BRCA2: variants seen among roughly 807,000 people sequenced by gnomAD.
The protein encoded by BRCA2 is BRCA2 DNA repair associated.
A neutral mutation model predicts 276.7 loss-of-function variants in BRCA2; 203 were observed. That is an observed-to-expected ratio of 0.73 (90% CI 0.65 to 0.82). The LOEUF (loss-of-function observed/expected upper bound fraction) is 0.82, where lower values mean the gene tolerates loss of function less well. Among genes scored for constraint, BRCA2 ranks in the 40% least tolerant of loss-of-function variants. The pLI, the probability that BRCA2 is intolerant of heterozygous loss-of-function variation, is 0.00. For missense variants in BRCA2, 3,920 were observed against 3,915.0 expected (o/e 1.00, Z -0.03); for synonymous variants, 1,289 against 1,338.4 (o/e 0.96, Z 0.81).
At chr13:32,395,948 TTTTC>T (rs772025726) in intron 25 of BRCA2, 27 of 233,246 alleles carry the variant, frequency 1.2e-4, no homozygotes, top group Middle Eastern at 4.0e-3. Context: ...CATTTTCTTT[TTTTC>T]TTTCTTTCTT....
At position 32,398,149 on chromosome 13, in the gene BRCA2, AT is replaced by A. The variant is rs276174929; in HGVS notation, c.9649-6del. ...CATAATTATGATAGGCTACGTTTTC[AT>A]TTTTTTATCAGATGTCTTCTCCTAA... On this transcript the variant is annotated splice_polypyrimidine_tract_variant and intron_variant, in intron 26 of 26. Transcript: ENST00000380152. 4.4e-6 allele frequency: 7 copies of A among 1,601,634 alleles called. No homozygotes were observed. The highest frequency in any genetic ancestry group is 3.4e-5 in the Admixed American group (2 of 59,070).
At chr13:32,370,864 A>G (rs1386238161) in intron 19 of BRCA2, 92 bp from the exon 20 acceptor site, 20 of 1,519,180 alleles carry the variant, frequency 1.3e-5, no homozygotes, top group Non-Finnish European at 1.8e-5. Context: ...AAGTTCTGGG[A>G]TTACAGATGT....
Position 32,329,474 on chromosome 13 carries a change from T to G in BRCA2, c.663T>G (p.Phe221Leu), listed in dbSNP as rs80358891. ...VRNEEASETV[F>L]PHDTTANVKS... Reference sequence around the variant, plus strand: ...ATGAAGAAGCATCTGAAACTGTATTTCCTCATGATACTACTGCTGTAAGTA... The same window carrying G: ...ATGAAGAAGCATCTGAAACTGTATTGCCTCATGATACTACTGCTGTAAGTA... Residue 221 changes from phenylalanine (F) to leucine (L), a missense_variant, in exon 8 of 27, where the codon TTT becomes TTG. Physicochemically the swap from Phe to Leu is conservative, Grantham distance 22 (BLOSUM62 0). This residue lies in a region of BRCA2 where 3,263 missense variants were observed against 3,156.9 expected (regional missense o/e 1.03). Coordinates refer to ENST00000380152, the MANE Select transcript of BRCA2 (RefSeq NM_000059.4). The G allele has an allele frequency of 3.1e-6, 5 of 1,598,264 alleles. No individual in the cohort carries two copies. The highest frequency in any genetic ancestry group is 2.7e-5 in the African/African-American group (2 of 74,616).
intron 18 of BRCA2, among the ~76,000 whole-genome samples, chr13:32,365,709 G>A (rs1328780321): frequency 8.4e-6 from 1 of 119,516 alleles, no homozygotes; most frequent in Non-Finnish European, 1.7e-5. Flanking sequence ...TCACAGTAAT[G>A]TACTTTGGTG....
intron 24 of BRCA2, among the ~76,000 whole-genome samples, chr13:32,381,185 T>C (rs1158082470): frequency 6.6e-6 from 1 of 152,224 alleles, no homozygotes; most frequent in Non-Finnish European, 1.5e-5. Context: ...CATCAATATT[T>C]ATTTAATGAC....
At position 32,340,083 on chromosome 13, in the gene BRCA2, A is replaced by G. The variant is rs2072537077; in HGVS notation, c.5728A>G (p.Asn1910Asp). 2 of 1,613,910 alleles carry G rather than the reference A, an allele frequency of 1.2e-6. No individual in the cohort carries two copies. The highest frequency in any genetic ancestry group is 1.7e-6 in the Non-Finnish European group (2 of 1,179,854). ...SEDILHNSLD[N>D]DECSTHSHKV... ...GGATATTCTTCATAACTCTCTAGAT[A>G]ATGATGAATGTAGCACGCATTCACA... The change falls in exon 11 of 27, where the codon AAT becomes GAT. Residue 1910 changes from asparagine (N) to aspartate (D), a missense_variant. By Grantham distance (23) the Asn-to-Asp change is conservative. This residue lies in a region of BRCA2 where 3,263 missense variants were observed against 3,156.9 expected (regional missense o/e 1.03). Coordinates refer to ENST00000380152, the MANE Select transcript of BRCA2 (RefSeq NM_000059.4).
Position 32,394,950 on chromosome 13 carries a change from G to A in BRCA2, c.9501+17G>A, listed in dbSNP as rs2137654740. The stretch of plus-strand genomic sequence containing the variant: ...ACTGTTGAGGTAAGGTTACTTTTCA[G>A]CATCACCACACATTTTGGTATTTTT... On this transcript the variant is annotated intron_variant, in intron 25 of 26. Transcript: ENST00000380152. 2 of 1,613,620 alleles carry A rather than the reference G, an allele frequency of 1.2e-6. No homozygotes were observed. Among genetic ancestry groups the A allele is most frequent in the South Asian group, 1.1e-5 (1 of 91,022 alleles).
At chr13:32,322,944 G>A (rs993553295) in intron 3 of BRCA2, among the ~76,000 whole-genome samples, 2 of 152,166 alleles carry the variant, frequency 1.3e-5, no homozygotes, top group South Asian at 2.1e-4. Flanking sequence ...CAAAGAGCAC[G>A]ATTGTGGGAT....
chr13:32,315,877 A>G (rs943137433), intron 1 of BRCA2, among the ~76,000 whole-genome samples: 1 of 152,048 alleles, frequency 6.6e-6, no homozygotes, highest in Admixed American at 6.5e-5. Context: ...CTGGGTCTCC[A>G]TTTCCCGCCT....
Position 32,363,447 on chromosome 13 carries a change from CAGA to C in BRCA2, c.8249_8251del (p.Lys2750del), listed in dbSNP as rs80359703. 6.2e-7 allele frequency: 1 copy of C among 1,614,060 alleles called. No individual in the cohort carries two copies. Among genetic ancestry groups the C allele is most frequent in the Non-Finnish European group, 8.5e-7 (1 of 1,180,040 alleles). ...AAAGAATGGCAGACTGACAGTTGGT[CAGA>C]AGATTATTCTTCATGGAGCAGAACT... On this transcript the variant is annotated inframe_deletion, in exon 18 of 27. Coordinates refer to ENST00000380152, the MANE Select transcript of BRCA2 (RefSeq NM_000059.4).
chr13:32,365,846 C>A (rs1301428013), intron 18 of BRCA2, among the ~76,000 whole-genome samples: 1 of 142,424 alleles, frequency 7.0e-6, no homozygotes, highest in African/African-American at 2.6e-5. Flanking sequence ...TTAAGTGGTT[C>A]TTTTATAATT....
chr13:32,330,591 C>T (rs2137460339), intron 8 of BRCA2, among the ~76,000 whole-genome samples: 1 of 152,292 alleles, frequency 6.6e-6, no homozygotes, highest in Admixed American at 6.5e-5. Context: ...GTACCATATA[C>T]AGCCTGGATA....
At chr13:32,382,106 T>C (rs1593194476) in intron 24 of BRCA2, among the ~76,000 whole-genome samples, 1 of 151,854 alleles carries the variant, frequency 6.6e-6, no homozygotes, top group South Asian at 2.1e-4. Flanking sequence ...AATTTGGGAG[T>C]CTTTACTACA....
rs397507332 is a variant in BRCA2 at position 32,338,767 on chromosome 13, GAA to G, written c.4414_4415del (p.Lys1472GlufsTer9). 3.1e-6 allele frequency: 5 copies of G among 1,610,400 alleles called. No homozygotes were observed. The highest frequency in any genetic ancestry group is 4.2e-6 in the Non-Finnish European group (5 of 1,178,022). On this transcript the variant is annotated frameshift_variant, in exon 11 of 27. Transcript: ENST00000380152. LOFTEE classifies it high-confidence loss of function. The stretch of plus-strand genomic sequence containing the variant: ...AATTCTGAATTACATTCTGACATAA[GAA>G]AGAACAAAATGGACATTCTAAGTTA...
chr13:32,360,514 C>T (rs1044130737), intron 16 of BRCA2, among the ~76,000 whole-genome samples: 3 of 152,094 alleles, frequency 2.0e-5, no homozygotes, highest in Non-Finnish European at 4.4e-5. Flanking sequence ...CGCGCACCAC[C>T]GTGCCCGGCT....
chr13:32,374,684 T>G (rs1156995048), intron 20 of BRCA2, among the ~76,000 whole-genome samples: 1 of 152,226 alleles, frequency 6.6e-6, no homozygotes, highest in African/African-American at 2.4e-5. Flanking sequence ...TGGACTTCAC[T>G]GGCCACATCA....
In BRCA2 at chr13:32,326,595, A is replaced by C; in HGVS notation, c.613A>C (p.Ser205Arg). The C allele has an allele frequency of 6.2e-7, 1 of 1,607,200 alleles. No individual in the cohort carries two copies. Among genetic ancestry groups the C allele is most frequent in the African/African-American group, 1.3e-5 (1 of 74,914 alleles). The change falls in exon 7 of 27, where the codon AGT becomes CGT. Residue 205 changes from serine to arginine, a missense_variant. Ser to Arg is a moderately radical substitution (Grantham distance 110). Transcript: ENST00000380152. ...SSSLATPPTLSSTVLIVRNEE... is the reference protein window; with the variant it reads ...SSSLATPPTLRSTVLIVRNEE... Reference sequence around the variant, plus strand: ...TTCTTTAGCTACACCACCCACCCTTAGTTCTACTGTGCTCATAGGTAATAA... The same window carrying C: ...TTCTTTAGCTACACCACCCACCCTTCGTTCTACTGTGCTCATAGGTAATAA...
At chr13:32,331,133 A>T in intron 9 of BRCA2, 103 bp downstream of exon 9, 2 of 790,152 alleles carry the variant, frequency 2.5e-6, no homozygotes, top group Admixed American at 2.3e-5. Flanking sequence ...ATCTCGGTTT[A>T]CCGCAACCTC....
At chr13:32,346,273 A>G (rs2072610138) in intron 12 of BRCA2, among the ~76,000 whole-genome samples, 1 of 151,958 alleles carries the variant, frequency 6.6e-6, no homozygotes, top group Non-Finnish European at 1.5e-5. Flanking sequence ...CAGTATATAC[A>G]CCATTTTGCA....
Sources: gnomAD v4.1 joint callset for allele counts (sites outside exome capture counted in the v4.1 genomes callset) on GRCh38, gnomAD v4.1.1 for gene constraint, gnomAD v4.1.1 regional missense constraint, MANE v1.5 for transcripts, NCBI Gene and HGNC (gene_info 2026-07-23, HGNC 2026-07-21) for gene names.